Variants in NRXN3 observed in about 807,000 individuals in gnomAD.
NRXN3 encodes the protein neurexin 3.
NRXN3 carries 32 observed loss-of-function variants against 137.6 expected under a neutral mutation model. The ratio of observed to expected loss-of-function variants is 0.23; its 90% CI spans 0.18 to 0.31. NRXN3 has a LOEUF of 0.31. Ranked by LOEUF, NRXN3 falls within the 10% of genes least tolerant of loss-of-function variation. The pLI is 1.00. For missense variants in NRXN3, 1,574 were observed against 2,062.5 expected (o/e 0.76, Z 4.59); for synonymous variants, 798 against 784.5 (o/e 1.02, Z -0.29).
intron 15 of NRXN3, among the ~76,000 whole-genome samples, chr14:79,436,528 T>G (rs1225962484): frequency 6.6e-6 from 1 of 152,172 alleles, no homozygotes; most frequent in African/African-American, 2.4e-5. Flanking sequence ...CTTGTTTCTA[T>G]TTCAGGAATC....
At chr14:79,414,603 G>C (rs2095469792) in intron 15 of NRXN3, among the ~76,000 whole-genome samples, 1 of 152,094 alleles carries the variant, frequency 6.6e-6, no homozygotes, top group South Asian at 2.1e-4. Flanking sequence ...TATGTATTCA[G>C]GGAGTACAAC....
At chr14:78,451,454 G>A (rs1182280844) in intron 4 of NRXN3, among the ~76,000 whole-genome samples, 1 of 152,218 alleles carries the variant, frequency 6.6e-6, no homozygotes, top group Non-Finnish European at 1.5e-5. Context: ...GTTCCATTCT[G>A]TGCCCTGCCT....
chr14:79,239,240 T>G (rs2153335053), intron 15 of NRXN3, among the ~76,000 whole-genome samples: 1 of 152,248 alleles, frequency 6.6e-6, no homozygotes, highest in South Asian at 2.1e-4. Flanking sequence ...CTCAAAATAT[T>G]TTGTTGTACT....
intron 10 of NRXN3, among the ~76,000 whole-genome samples, chr14:78,918,088 C>G (rs1328648756): frequency 6.7e-6 from 1 of 149,238 alleles, no homozygotes; most frequent in Non-Finnish European, 1.5e-5. Flanking sequence ...GAGTTCAAGA[C>G]AAGCCTGACA....
intron 4 of NRXN3, among the ~76,000 whole-genome samples, chr14:78,356,784 ATTG>A (rs2084365601): frequency 6.6e-6 from 1 of 152,232 alleles, no homozygotes. Context: ...TCACAAATTC[ATTG>A]TTGTTTCTAA....
intron 19 of NRXN3, among the ~76,000 whole-genome samples, chr14:79,773,826 A>G (rs1038404784): frequency 1.1e-4 from 16 of 150,454 alleles, no homozygotes; most frequent in Non-Finnish European, 1.6e-4. Context: ...TAAAAATAAA[A>G]ATACAAAAAA....
chr14:79,003,938 A>C (rs974681693), intron 15 of NRXN3, among the ~76,000 whole-genome samples: 1 of 152,178 alleles, frequency 6.6e-6, no homozygotes, highest in African/African-American at 2.4e-5. Context: ...ATGAAATGTG[A>C]TAAGTGTGAT....
At position 78,937,640 on chromosome 14, in the gene NRXN3, T is replaced by G. The variant is rs1332583996; in HGVS notation, c.2276-19602T>G. ...TGCAGGAAAAAATTCAAAGGATGTT[T>G]AATGAGAATATGATAGACTTTGAAA... is the stretch of plus-strand genomic sequence containing the variant. On this transcript the variant is annotated intron_variant, in intron 10 of 20. Coordinates refer to ENST00000335750, the MANE Select transcript of NRXN3 (RefSeq NM_001330195.2). 3.3e-5 allele frequency among the ~76,000 whole-genome samples: 5 copies of G among 152,352 alleles called. No individual in the cohort carries two copies. In the East Asian group the frequency reaches 9.6e-4, roughly 29 times the overall value.
At chr14:79,245,467 A>C (rs908605320) in intron 15 of NRXN3, among the ~76,000 whole-genome samples, 3 of 152,092 alleles carry the variant, frequency 2.0e-5, no homozygotes, top group African/African-American at 7.2e-5. Context: ...GAGAGAAAAA[A>C]GCGAGATGAG....
At chr14:79,344,100 C>T (rs979819831) in intron 15 of NRXN3, among the ~76,000 whole-genome samples, 2 of 152,160 alleles carry the variant, frequency 1.3e-5, no homozygotes, top group Non-Finnish European at 2.9e-5. Context: ...CTCTGTTTGA[C>T]ACTTCTCTCT....
intron 4 of NRXN3, among the ~76,000 whole-genome samples, chr14:78,638,746 TA>T (rs958939117): frequency 8.5e-5 from 13 of 152,308 alleles, no homozygotes; most frequent in African/African-American, 3.1e-4. Flanking sequence ...AACAGACTTG[TA>T]GAGGAACGAA....
chr14:78,472,793 C>T (rs2095301110), intron 4 of NRXN3, among the ~76,000 whole-genome samples: 1 of 152,150 alleles, frequency 6.6e-6, no homozygotes, highest in Non-Finnish European at 1.5e-5. Flanking sequence ...CCCTATTCTG[C>T]CACTGTGCTG....
intron 15 of NRXN3, among the ~76,000 whole-genome samples, chr14:79,202,896 C>T (rs1252831612): frequency 6.6e-6 from 1 of 152,116 alleles, no homozygotes; most frequent in East Asian, 1.9e-4. Context: ...GGTAGATACC[C>T]AGTAGTGGCA....
chr14:78,357,574 T>C (rs1191946321), intron 4 of NRXN3, among the ~76,000 whole-genome samples: 1 of 152,206 alleles, frequency 6.6e-6, no homozygotes, highest in Non-Finnish European at 1.5e-5. Flanking sequence ...GGACGTTTTT[T>C]CTAAAATCAC....
At chr14:79,821,668 C>CTTTTTTTTTTTTTTTTTTT in intron 20 of NRXN3, among the ~76,000 whole-genome samples, 1 of 121,466 alleles carries the variant, frequency 8.2e-6, no homozygotes, top group Non-Finnish European at 1.7e-5. Flanking sequence ...AAGCTAAGAC[C>CTTTTTTTTTTTTTTTTTTT]TTTTTTTTTT....
chr14:79,855,720 C>G lies in NRXN3; in HGVS notation c.4094-5622C>G, dbSNP rs990217196. On this transcript the variant is annotated intron_variant, in intron 20 of 20. Transcript: ENST00000335750. ...AGTGATTATGTAAGTGTTTATAGCT[C>G]AGATACATTAGTAGAAATAATAACA... is the stretch of plus-strand genomic sequence containing the variant. Among the ~76,000 whole-genome samples, 3 of 152,080 alleles carry G rather than the reference C, an allele frequency of 2.0e-5. No homozygotes were observed. The East Asian group carries it at 5.8e-4, about 29-fold the overall frequency.
chr14:78,376,996 A>T (rs559259200), intron 4 of NRXN3, among the ~76,000 whole-genome samples: 6 of 152,222 alleles, frequency 3.9e-5, no homozygotes, highest in Non-Finnish European at 7.3e-5. Context: ...CAAGTAATCA[A>T]TAGGACAGCA....
In NRXN3 at chr14:79,740,712, T is replaced by TTATATATATATA. The variant is rs869216055; in HGVS notation, c.4014+42820_4014+42831dup. 1.1e-3 allele frequency among the ~76,000 whole-genome samples: 17 copies of TTATATATATATA among 16,116 alleles called. 1 individual carries two copies. The highest frequency in any genetic ancestry group is 1.5e-3 in the Non-Finnish European group (14 of 9,648). The allele number at this position is 16,116 out of a possible 152,430, so 10.6% of individuals were successfully genotyped here. A position where few individuals can be genotyped will look rare whatever the true frequency, so the allele number is the denominator to read the frequency against. On this transcript the variant is annotated intron_variant, in intron 19 of 20. Transcript: ENST00000335750. ...TCCACTGGACTTTGCATTTAGTTTT[T>TTATATATATATA]TATATATATATATATATATATATAT... is the stretch of plus-strand genomic sequence containing the variant.
Position 78,180,499 on chromosome 14 carries a change from G to A in NRXN3, c.-704+9825G>A, listed in dbSNP as rs1402822435. Among the ~76,000 whole-genome samples the A allele has an allele frequency of 3.9e-5, 6 of 152,324 alleles. No individual in the cohort carries two copies. In the East Asian group the frequency reaches 7.7e-4, roughly 20 times the overall value. ...GAATAAGTGTTAGGCAATCATTCTCGTTGTACAGGTGAGGAAAGTGGAGCT... is the reference window on the plus strand; with the variant it reads ...GAATAAGTGTTAGGCAATCATTCTCATTGTACAGGTGAGGAAAGTGGAGCT... On this transcript the variant is annotated intron_variant, in intron 1 of 20. Transcript: ENST00000335750.
Sources: gnomAD v4.1 joint callset for allele counts (sites outside exome capture counted in the v4.1 genomes callset) on GRCh38, gnomAD v4.1.1 for gene constraint, MANE v1.5 for transcripts, NCBI Gene and HGNC (gene_info 2026-07-23, HGNC 2026-07-21) for gene names.